The following PPP2R2D variants were observed in gnomAD, a reference collection of about 807,000 sequenced individuals.
The protein encoded by PPP2R2D is protein phosphatase 2 regulatory subunit Bdelta.
PPP2R2D carries 9 observed loss-of-function variants against 31.1 expected under a neutral mutation model. That is an observed-to-expected ratio of 0.29 (90% CI 0.17 to 0.51). The LOEUF is 0.51. Ranked by LOEUF, PPP2R2D falls within the 20% of genes least tolerant of loss-of-function variation. The probability of loss-of-function intolerance (pLI) is 0.98; values close to 1 mark genes in which losing one functional copy is unlikely to be tolerated. For missense variants in PPP2R2D, 391 were observed against 465.6 expected, an observed-to-expected ratio of 0.84 and a Z score of 1.48; for synonymous variants, 179 against 172.6, an observed-to-expected ratio of 1.04 and a Z score of -0.29.
chr10:131,951,438 A>G (rs1223088850), intron 8 of PPP2R2D, among the ~76,000 whole-genome samples: 2 of 152,256 alleles, frequency 1.3e-5, no homozygotes, highest in African/African-American at 4.8e-5. Flanking sequence ...GATCTCACAA[A>G]GATAATCCAC....
In PPP2R2D at chr10:131,947,181, T is replaced by C. The variant is rs1354424354; in HGVS notation, c.821-349T>C. On this transcript the variant is annotated intron_variant, in intron 7 of 8. Transcript: ENST00000455566. The surrounding 1 kb of genome is among the most constrained non-coding windows in gnomAD (Gnocchi z 4.3). ...AGACACTCCTACAGGAATGCGGTGG[T>C]GCTGAACCTGGGCACACATCAGGAT... 6.6e-6 allele frequency among the ~76,000 whole-genome samples: 1 copy of C among 152,196 alleles called. No homozygotes were observed. The highest frequency in any genetic ancestry group is 1.5e-5 in the Non-Finnish European group (1 of 68,034).
At chr10:131,940,559 G>A (rs782192962) in intron 4 of PPP2R2D, 23 bp from the exon 5 acceptor site, 19 of 726,330 alleles carry the variant, frequency 2.6e-5, no homozygotes, top group Non-Finnish European at 4.6e-5. Flanking sequence ...TTTTCATATG[G>A]AGAATGAGGT....
At chr10:131,936,426 A>G (rs1280792004) in intron 3 of PPP2R2D, among the ~76,000 whole-genome samples, 1 of 152,124 alleles carries the variant, frequency 6.6e-6, no homozygotes, top group Non-Finnish European at 1.5e-5. Flanking sequence ...GATTACAGGC[A>G]TGGGCCACCA....
intron 3 of PPP2R2D, 75 bp downstream of exon 3, chr10:131,934,630 AATT>A: frequency 2.7e-6 from 2 of 731,678 alleles, no homozygotes; most frequent in Admixed American, 2.0e-5. Flanking sequence ...GAGGAAGCAA[AATT>A]ATTTTCTCAT....
At chr10:131,928,865 G>T (rs2036154879) in intron 2 of PPP2R2D, among the ~76,000 whole-genome samples, 1 of 152,244 alleles carries the variant, frequency 6.6e-6, no homozygotes, top group South Asian at 2.1e-4. Context: ...AGACGGGTCA[G>T]GAGACATTGT....
intron 2 of PPP2R2D, among the ~76,000 whole-genome samples, chr10:131,925,867 T>C (rs1213809116): frequency 1.3e-5 from 2 of 152,100 alleles, no homozygotes; most frequent in Admixed American, 6.5e-5. Context: ...CACGCAGAGG[T>C]TGAAGAAGCC....
At position 131,956,079 on chromosome 10, in the gene PPP2R2D, C is replaced by T. The variant is rs2036791005; in HGVS notation, c.*116C>T. On this transcript the variant is annotated 3_prime_UTR_variant, in exon 9 of 9. Transcript: ENST00000455566. ...GAACAGTGACGCACCTGCTACTTCC[C>T]TTCACAGACACAGGAGAAAGCCGCC... 2.4e-6 allele frequency: 3 copies of T among 1,273,434 alleles called. No individual in the cohort carries two copies. The highest frequency in any genetic ancestry group is 3.1e-5 in the African/African-American group (2 of 65,208). The allele number at this position is 1,273,434 out of a possible 1,614,324, so 78.9% of individuals were successfully genotyped here.
At chr10:131,953,425 G>T (rs1327817654) in intron 8 of PPP2R2D, among the ~76,000 whole-genome samples, 2 of 101,244 alleles carry the variant, frequency 2.0e-5, no homozygotes, top group African/African-American at 3.9e-5. Context: ...ACTTGCGGGG[G>T]GTCCCTGTCT....
In PPP2R2D at chr10:131,957,345, G is replaced by T; in HGVS notation, c.*1382G>T. 1 of 193,802 alleles carries T rather than the reference G, an allele frequency of 5.2e-6. No individual in the cohort carries two copies. The highest frequency in any genetic ancestry group is 6.9e-5 in the South Asian group (1 of 14,458). The allele number at this position is 193,802 out of a possible 1,614,324, so 12.0% of individuals were successfully genotyped here. A position where few individuals can be genotyped will look rare whatever the true frequency, so the allele number is the denominator to read the frequency against. On this transcript the variant is annotated 3_prime_UTR_variant, in exon 9 of 9. Transcript: ENST00000455566. ...TGCCCCTGTGGAGAAGGAGGTGTGT[G>T]CTGATCCCCTGTGCCCTGTGGAGAT...
At chr10:131,953,390 TG>T (rs2036726375) in intron 8 of PPP2R2D, among the ~76,000 whole-genome samples, 2 of 52,950 alleles carry the variant, frequency 3.8e-5, no homozygotes, top group Non-Finnish European at 6.6e-5. Context: ...TGCAGGTGTG[TG>T]GGGGGTTCAC....
intron 8 of PPP2R2D, among the ~76,000 whole-genome samples, chr10:131,954,768 G>A (rs991841536): frequency 2.6e-5 from 4 of 152,204 alleles, no homozygotes; most frequent in Non-Finnish European, 5.9e-5. Flanking sequence ...TTGAAGACGC[G>A]CCAGCGTGAA....
chr10:131,901,361 C>G, intron 2 of PPP2R2D, 31 bp downstream of exon 2: 1 of 353,974 alleles, frequency 2.8e-6, no homozygotes. Context: ...CGCCCCGGGA[C>G]CCTCGCGGAC....
chr10:131,932,540 G>A (rs782035503), intron 2 of PPP2R2D, among the ~76,000 whole-genome samples: 2 of 150,474 alleles, frequency 1.3e-5, no homozygotes, highest in African/African-American at 4.9e-5. Context: ...GGTGGTGCAC[G>A]CCTGTAATCC....
intron 2 of PPP2R2D, among the ~76,000 whole-genome samples, chr10:131,934,096 TA>T (rs1554896098): frequency 6.6e-6 from 1 of 152,224 alleles, no homozygotes; most frequent in Non-Finnish European, 1.5e-5. Flanking sequence ...ATTATAAAAT[TA>T]GGCAACATTC....
At chr10:131,955,588 G>A in intron 8 of PPP2R2D, 96 bp from the exon 9 acceptor site, 1 of 1,084,274 alleles carries the variant, frequency 9.2e-7, no homozygotes, top group Non-Finnish European at 1.2e-6. Context: ...TTGTGGGGGA[G>A]GGTGGCGTGC....
Position 131,956,035 on chromosome 10 carries a change from T to A in PPP2R2D, c.*72T>A. The A allele has an allele frequency of 7.3e-7, 1 of 1,366,488 alleles. No individual in the cohort carries two copies. Among genetic ancestry groups the A allele is most frequent in the Non-Finnish European group, 9.5e-7 (1 of 1,052,602 alleles). 84.6% of individuals were successfully genotyped at this position (1,366,488 alleles called of 1,614,324 possible). ...ACATTTTTCTGTCAGAGAAAAGGCA[T>A]CATTGTCCGCTCCATTAAGAACAGT... On this transcript the variant is annotated 3_prime_UTR_variant, in exon 9 of 9. Transcript: ENST00000455566.
chr10:131,970,506 G>T, the PPP2R2D span: 7 of 1,290,796 alleles, frequency 5.4e-6, no homozygotes, highest in African/African-American at 1.0e-4. The surrounding 1 kb of genome is among the most constrained non-coding windows in gnomAD (Gnocchi z 4.1). Flanking sequence ...GTGACTACGT[G>T]GGTGTTTGTG....
downstream of PPP2R2D, among the ~76,000 whole-genome samples, chr10:131,963,485 G>A (rs562194910): frequency 2.6e-5 from 4 of 152,278 alleles, no homozygotes; most frequent in Admixed American, 2.0e-4. Flanking sequence ...CCTGTTTCCC[G>A]TTTCTACACA....
chr10:131,943,631 T>C (rs2036480894), intron 5 of PPP2R2D, among the ~76,000 whole-genome samples: 1 of 152,130 alleles, frequency 6.6e-6, no homozygotes, highest in South Asian at 2.1e-4. Flanking sequence ...AGGACTTTGC[T>C]GTCCAGCGCC....
Sources: gnomAD v4.1 joint callset for allele counts (sites outside exome capture counted in the v4.1 genomes callset) on GRCh38, gnomAD v4.1.1 for gene constraint, Gnocchi (gnomAD v3.1) non-coding constraint, MANE v1.5 for transcripts, NCBI Gene and HGNC (gene_info 2026-07-23, HGNC 2026-07-21) for gene names.